The following IL1R1 variants were observed in gnomAD, a reference collection of about 807,000 sequenced individuals.
IL1R1 encodes interleukin-1 receptor type 1.
In IL1R1, 22 loss-of-function variants were observed where a neutral mutation model predicts 50.2. That is an observed-to-expected ratio of 0.44 (90% CI 0.31 to 0.63). IL1R1 has a LOEUF of 0.63. IL1R1 is among the 20% of genes least tolerant of loss of function. IL1R1 has a pLI of 0.07. For missense variants in IL1R1, 509 were observed against 676.2 expected (o/e 0.75, Z 2.74); for synonymous variants, 251 against 236.7 (o/e 1.06, Z -0.55).
intron 1 of IL1R1, among the ~76,000 whole-genome samples, chr2:102,116,607 AC>A (rs1197405380): frequency 6.6e-6 from 1 of 152,218 alleles, no homozygotes; most frequent in Non-Finnish European, 1.5e-5. Context: ...AGGGAGGTCA[AC>A]TTTTGTGTAG....
At chr2:102,150,495 T>C (rs1361300284) in intron 1 of IL1R1, among the ~76,000 whole-genome samples, 1 of 152,252 alleles carries the variant, frequency 6.6e-6, no homozygotes, top group Non-Finnish European at 1.5e-5. Context: ...ATATGCATTT[T>C]CATTTTGTCT....
chr2:102,108,824 A>T (rs1353494374), intron 1 of IL1R1, among the ~76,000 whole-genome samples: 7 of 151,990 alleles, frequency 4.6e-5, no homozygotes, highest in African/African-American at 1.7e-4. Context: ...AGTGTCATGG[A>T]TTTGGCATGA....
At chr2:102,129,277 A>AACT (rs1681898887) in intron 1 of IL1R1, among the ~76,000 whole-genome samples, 1 of 151,584 alleles carries the variant, frequency 6.6e-6, no homozygotes, top group South Asian at 2.1e-4. Context: ...CAACAACAAC[A>AACT]ACAACAACAA....
intron 1 of IL1R1, among the ~76,000 whole-genome samples, chr2:102,086,502 T>A (rs978552409): frequency 6.6e-6 from 1 of 152,074 alleles, no homozygotes; most frequent in Non-Finnish European, 1.5e-5. Context: ...TTGTCAGTCA[T>A]TATTACTTTA....
chr2:102,159,214 A>G (rs1175829842), intron 3 of IL1R1, among the ~76,000 whole-genome samples: 1 of 152,176 alleles, frequency 6.6e-6, no homozygotes, highest in East Asian at 1.9e-4. Flanking sequence ...AAAATTGGAG[A>G]CCTCAGCAAG....
chr2:102,123,847 A>G (rs1334190398), intron 1 of IL1R1, among the ~76,000 whole-genome samples: 2 of 152,172 alleles, frequency 1.3e-5, no homozygotes, highest in Non-Finnish European at 2.9e-5. Flanking sequence ...AAAAAAATTT[A>G]GAAATATGCC....
Position 102,166,140 on chromosome 2 carries a change from A to G in IL1R1, c.514A>G (p.Ile172Val), listed in dbSNP as rs771704915. 7 of 1,613,670 alleles carry G rather than the reference A, an allele frequency of 4.3e-6. No homozygotes were observed. The Admixed American group carries it at 5.0e-5, about 12-fold the overall frequency. ...TTGCAAACCTCTACTTCTTGACAAT[A>G]TACACTTTAGTGGAGTCAAAGATAG... ...KDCKPLLLDN[I>V]HFSGVKDRLI... is the part of the protein sequence containing the mutation. Residue 172 changes from isoleucine (I) to valine (V), a missense_variant, in exon 6 of 12, where the codon ATA (isoleucine) becomes GTA (valine). Physicochemically the swap from Ile to Val is conservative, Grantham distance 29. Transcript: ENST00000410023.
upstream of IL1R1, among the ~76,000 whole-genome samples, chr2:102,104,410 A>C (rs1680289516): frequency 6.6e-6 from 1 of 152,132 alleles, no homozygotes; most frequent in Non-Finnish European, 1.5e-5. Context: ...TTCAACACAA[A>C]GTCATGAGAG....
At chr2:102,080,739 C>T (rs2104287501) in intron 1 of IL1R1, among the ~76,000 whole-genome samples, 1 of 152,222 alleles carries the variant, frequency 6.6e-6, no homozygotes, top group East Asian at 1.9e-4. Context: ...ATTAACAACA[C>T]AAAAATCTGT....
chr2:102,072,878 T>C (rs1678793830), intron 1 of IL1R1, among the ~76,000 whole-genome samples: 1 of 152,212 alleles, frequency 6.6e-6, no homozygotes, highest in Non-Finnish European at 1.5e-5. Flanking sequence ...AAGTCCTTCC[T>C]GTCTTGGGAA....
intron 1 of IL1R1, among the ~76,000 whole-genome samples, chr2:102,093,114 C>T (rs1679751215): frequency 6.6e-6 from 1 of 152,068 alleles, no homozygotes; most frequent in Non-Finnish European, 1.5e-5. Flanking sequence ...AGTGGAATTG[C>T]CTGTTATTCA....
rs965024597 is a variant in IL1R1, at chr2:102,160,545, G to A, written c.61+2760G>A. 5.9e-5 allele frequency among the ~76,000 whole-genome samples: 9 copies of A among 152,220 alleles called. 1 individual carries two copies. The Middle Eastern group carries it at 0.01, about 173-fold the overall frequency. ...GCAGTTCCTAGGTGTGTTGTGGACA[G>A]CTTACAGCTTGCCCTTCATGTGAGA... On this transcript the variant is annotated intron_variant, in intron 3 of 11. Coordinates refer to ENST00000410023, the MANE Select transcript of IL1R1 (RefSeq NM_000877.4).
chr2:102,090,031 T>C (rs533550914), intron 1 of IL1R1, among the ~76,000 whole-genome samples: 5 of 152,100 alleles, frequency 3.3e-5, no homozygotes, highest in African/African-American at 4.8e-5. Flanking sequence ...AGACAGGGTT[T>C]CACCATGTTA....
intron 11 of IL1R1, 167 bp from the exon 12 acceptor site, chr2:102,176,186 C>G (rs1686116342): frequency 3.2e-6 from 2 of 617,698 alleles, no homozygotes; most frequent in Non-Finnish European, 5.5e-6. Flanking sequence ...GAGACTGTCT[C>G]TTAAAATTAA....
chr2:102,166,067 AGTTATTG>A (rs777727518), intron 5 of IL1R1, 39 bp from the exon 6 acceptor site: 1 of 1,526,668 alleles, frequency 6.6e-7, no homozygotes, highest in Non-Finnish European at 9.0e-7. Flanking sequence ...GATTGGGGAA[AGTTATTG>A]GTTATTGGTT....
Position 102,172,728 on chromosome 2 carries a change from C to T in IL1R1, c.881C>T (p.Thr294Ile). The T allele has an allele frequency of 6.2e-6, 10 of 1,612,176 alleles. No homozygotes were observed. Among genetic ancestry groups the T allele is most frequent in the Non-Finnish European group, 8.5e-6 (10 of 1,178,710 alleles). ...AACAAAAGAAGGAGTACCCTCATCA[C>T]AGTGCTTAATATATCGGAAATTGAA... is the stretch of plus-strand genomic sequence containing the variant. ...PANKRRSTLITVLNISEIESR... is the reference protein window; with the variant it reads ...PANKRRSTLIIVLNISEIESR... Residue 294 changes from threonine (T) to isoleucine (I), a missense_variant, in exon 9 of 12, where the codon ACA becomes ATA. By Grantham distance (89) the Thr-to-Ile change is moderately conservative. Transcript: ENST00000410023.
intron 1 of IL1R1, among the ~76,000 whole-genome samples, chr2:102,073,449 C>A (rs1423603626): frequency 4.6e-5 from 7 of 152,184 alleles, no homozygotes; most frequent in African/African-American, 1.7e-4. Context: ...AAGATTTAAT[C>A]ATTTGCCTCT....
rs1156900502 is a variant in IL1R1 at position 102,128,528 on chromosome 2, A to G, written c.-84+23656A>G. On this transcript the variant is annotated intron_variant, in intron 1 of 10. Coordinates refer to the IL1R1 transcript ENST00000409329. ...CTCTCAACAACCCAATAAGCTGGGG[A>G]CTATTGATAACATTATTTTGCCATC... is the stretch of plus-strand genomic sequence containing the variant. Among the ~76,000 whole-genome samples, 4 of 152,290 alleles carry G rather than the reference A, an allele frequency of 2.6e-5. No homozygotes were observed. The East Asian group carries it at 5.8e-4, about 22-fold the overall frequency.
rs1204392058 is a variant in IL1R1, at chr2:102,167,484, G to T, written c.656-1114G>T. 2.5e-5 allele frequency among the ~76,000 whole-genome samples: 3 copies of T among 121,534 alleles called. No homozygotes were observed. In the Admixed American group the frequency reaches 3.4e-4, roughly 14 times the overall value. 79.7% of individuals were successfully genotyped at this position (121,534 alleles called of 152,430 possible). A position where few individuals can be genotyped will look rare whatever the true frequency, so the allele number is the denominator to read the frequency against. On this transcript the variant is annotated intron_variant, in intron 6 of 11. Transcript: ENST00000410023. ...TTTTTTTGAGATGGAGTCTCGCTCT[G>T]TCACCCAGGCTGGAGTGCAGTGGTG... is the stretch of plus-strand genomic sequence containing the variant.
Sources: allele counts gnomAD v4.1 joint callset (sites outside exome capture counted in the v4.1 genomes callset), GRCh38; gene constraint gnomAD v4.1.1; transcripts MANE v1.5; gene names NCBI Gene and HGNC (gene_info 2026-07-23, HGNC 2026-07-21).